CACNA1C: variants seen among roughly 807,000 people sequenced by gnomAD.
The protein encoded by CACNA1C is voltage-dependent L-type calcium channel subunit alpha-1C.
In CACNA1C, 30 loss-of-function variants were observed where a neutral mutation model predicts 229.0. The ratio of observed to expected loss-of-function variants is 0.13; its 90% CI spans 0.10 to 0.18. CACNA1C has a LOEUF of 0.18. Ranked by LOEUF, CACNA1C falls within the 10% of genes least tolerant of loss-of-function variation. The probability of loss-of-function intolerance (pLI) is 1.00; values close to 1 mark genes in which losing one functional copy is unlikely to be tolerated. For missense variants in CACNA1C, 1,658 were observed against 2,845.0 expected, an observed-to-expected ratio of 0.58 and a Z score of 9.49; for synonymous variants, 1,114 against 1,132.5, an observed-to-expected ratio of 0.98 and a Z score of 0.33.
intron 3 of CACNA1C, among the ~76,000 whole-genome samples, chr12:2,143,618 C>T (rs997799186): frequency 2.6e-5 from 4 of 151,224 alleles, no homozygotes; most frequent in Admixed American, 1.3e-4. Context: ...CTGCGTGTGT[C>T]GTAGGCTGTG....
intron 3 of CACNA1C, among the ~76,000 whole-genome samples, chr12:2,207,538 G>A (rs918722171): frequency 7.9e-5 from 12 of 152,080 alleles, no homozygotes; most frequent in Admixed American, 4.6e-4. Context: ...GGCCAGGTGC[G>A]GTGGCTCAAG....
chr12:2,531,716 G>A (rs956071006), intron 9 of CACNA1C, among the ~76,000 whole-genome samples: 7 of 152,086 alleles, frequency 4.6e-5, no homozygotes, highest in African/African-American at 1.4e-4. Context: ...CTCTTTCCTC[G>A]GGGCCCACGC....
chr12:2,310,867 A>G (rs1245937113), intron 3 of CACNA1C, among the ~76,000 whole-genome samples: 1 of 152,156 alleles, frequency 6.6e-6, no homozygotes, highest in African/African-American at 2.4e-5. Flanking sequence ...GAATCCCGGA[A>G]GGTGCACTTG....
At chr12:2,370,682 C>A in intron 3 of CACNA1C, among the ~76,000 whole-genome samples, 1 of 152,022 alleles carries the variant, frequency 6.6e-6, no homozygotes, top group East Asian at 1.9e-4. Flanking sequence ...AATTCTGGGC[C>A]AAAACTAATG....
intron 1 of CACNA1C, among the ~76,000 whole-genome samples, chr12:2,104,678 G>A (rs557548202): frequency 5.9e-5 from 9 of 152,084 alleles, no homozygotes; most frequent in Non-Finnish European, 1.0e-4. Context: ...TCCAGTTTTT[G>A]CCCATTCCGT....
At chr12:2,039,056 G>C (rs1411233156) in intron 1 of CACNA1C, among the ~76,000 whole-genome samples, 1 of 152,210 alleles carries the variant, frequency 6.6e-6, no homozygotes, top group Non-Finnish European at 1.5e-5. Flanking sequence ...AATTGCAAAA[G>C]ACAGGTGCTG....
chr12:2,221,464 C>A (rs796463291), intron 3 of CACNA1C, among the ~76,000 whole-genome samples: 1 of 152,088 alleles, frequency 6.6e-6, no homozygotes, highest in Non-Finnish European at 1.5e-5. Context: ...GGCAGAGTTG[C>A]CAGGGCCTGC....
At chr12:2,005,141 C>G (rs1417867304) in intron 1 of CACNA1C, among the ~76,000 whole-genome samples, 1 of 126,978 alleles carries the variant, frequency 7.9e-6, no homozygotes, top group African/African-American at 3.1e-5. Context: ...CTCTCAGTTA[C>G]AAAAGAAAAA....
chr12:2,409,956 G>T (rs967102511), intron 3 of CACNA1C, among the ~76,000 whole-genome samples: 2 of 152,348 alleles, frequency 1.3e-5, no homozygotes, highest in South Asian at 4.1e-4. Flanking sequence ...GCACAAGGGA[G>T]AACTAGTGGA....
At chr12:2,487,359 T>C (rs569755647) in intron 6 of CACNA1C, among the ~76,000 whole-genome samples, 22 of 150,552 alleles carry the variant, frequency 1.5e-4, no homozygotes, top group Non-Finnish European at 1.9e-4. Context: ...TCTCGCTTCA[T>C]TGGGGTGAGG....
chr12:2,577,553 T>C (rs1261818692), intron 13 of CACNA1C, among the ~76,000 whole-genome samples: 3 of 152,230 alleles, frequency 2.0e-5, no homozygotes, highest in Admixed American at 1.3e-4. Flanking sequence ...ATAGGAAGGC[T>C]ATGGGAGCAG....
rs369092312 is a variant in CACNA1C, at chr12:2,462,757, CT to C, written c.757+5052del. ...TCCAAAGGGTCTTTACTTCTTCTGT[CT>C]CATTTGATCTTCATGACAATTGGGT... On this transcript the variant is annotated intron_variant, in intron 5 of 46. Transcript: ENST00000399655. Among the ~76,000 whole-genome samples the C allele has an allele frequency of 3.8e-3, 584 of 152,216 alleles. 9 individuals are homozygous for C. Among genetic ancestry groups the C allele is most frequent in the African/African-American group, 0.014 (569 of 41,516 alleles).
chr12:1,997,978 A>G, intron 1 of CACNA1C: 1 of 1,607,842 alleles, frequency 6.2e-7, no homozygotes, highest in African/African-American at 1.3e-5. Flanking sequence ...GTTTTCTCCT[A>G]AACAATAAAA....
At chr12:2,059,626 G>A (rs747847192) in intron 1 of CACNA1C, among the ~76,000 whole-genome samples, 19 of 152,132 alleles carry the variant, frequency 1.2e-4, no homozygotes, top group Non-Finnish European at 2.2e-4. Context: ...AAGGGGCTAG[G>A]CTCTGGTTCG....
chr12:2,046,081 T>A (rs2050990355), intron 1 of CACNA1C, among the ~76,000 whole-genome samples: 1 of 152,128 alleles, frequency 6.6e-6, no homozygotes, highest in Non-Finnish European at 1.5e-5. Flanking sequence ...TGAGAGCCAC[T>A]GCAGGCAGCA....
rs945062117 is a variant in CACNA1C at position 2,694,702 on chromosome 12, A to T, written c.*3503A>T. On this transcript the variant is annotated 3_prime_UTR_variant, in exon 47 of 47. Transcript: ENST00000399655. ...TCTCCACCCAGCATGTCTCCTGCCC[A>T]TGCAGCTGAAGACAGTGGGGCAACC... 3.9e-5 allele frequency: 6 copies of T among 152,242 alleles called. No individual in the cohort carries two copies. Among genetic ancestry groups the T allele is most frequent in the Admixed American group, 6.5e-5 (1 of 15,282 alleles). 9.4% of individuals were successfully genotyped at this position (152,242 alleles called of 1,614,324 possible).
chr12:2,493,200 A>G lies in CACNA1C; in HGVS notation c.927A>G (p.Ala309=), dbSNP rs369079645. ...TTCTGGCCATTTGAGATGTTCCAGC[A>G]GAAGATGACCCTTCCCCTTGTGCGC... ...YNQEGIADVP[A]EDDPSPCALE... Residue 309 remains alanine, a synonymous_variant, in exon 7 of 47, where the codon GCA becomes GCG. Coordinates refer to ENST00000399655, the MANE Select transcript of CACNA1C (RefSeq NM_000719.7). This position sits in a 1 kb window ranked among gnomAD's most constrained non-coding sequence, Gnocchi z 4.6. The G allele has an allele frequency of 9.3e-6, 15 of 1,613,480 alleles. No individual in the cohort carries two copies. The African/African-American group carries it at 1.5e-4, about 16-fold the overall frequency.
At chr12:2,159,556 G>A (rs2095733035) in intron 3 of CACNA1C, among the ~76,000 whole-genome samples, 1 of 151,320 alleles carries the variant, frequency 6.6e-6, no homozygotes, top group Non-Finnish European at 1.5e-5. Flanking sequence ...CTAGAAAAAT[G>A]AATAGCTGAT....
intron 3 of CACNA1C, among the ~76,000 whole-genome samples, chr12:2,128,241 C>T (rs957588852): frequency 1.3e-5 from 2 of 152,220 alleles, no homozygotes; most frequent in African/African-American, 2.4e-5. Flanking sequence ...GCTCTGTTCC[C>T]TGGGATGTGT....
Sources: allele counts gnomAD v4.1 joint callset (sites outside exome capture counted in the v4.1 genomes callset), GRCh38; gene constraint gnomAD v4.1.1; non-coding constraint Gnocchi (gnomAD v3.1); transcripts MANE v1.5; gene names NCBI Gene and HGNC (gene_info 2026-07-23, HGNC 2026-07-21).